Variants in FBXL7 observed in about 807,000 individuals in gnomAD.
The protein encoded by FBXL7 is F-box and leucine rich repeat protein 7.
FBXL7 carries 12 observed loss-of-function variants against 38.3 expected under a neutral mutation model. That is an observed-to-expected ratio of 0.31 (90% confidence interval 0.20 to 0.51). The LOEUF is 0.51. FBXL7 is among the 20% of genes least tolerant of loss of function. FBXL7 has a pLI of 0.98. For missense variants in FBXL7, 567 were observed against 676.4 expected, an observed-to-expected ratio of 0.84 and a Z score of 1.79; for synonymous variants, 297 against 300.9, an observed-to-expected ratio of 0.99 and a Z score of 0.13.
chr5:15,709,044 A>G (rs913602711), intron 2 of FBXL7, among the ~76,000 whole-genome samples: 16 of 152,162 alleles, frequency 1.1e-4, no homozygotes, highest in African/African-American at 3.9e-4. Flanking sequence ...AACACCGTTT[A>G]GTTCCTTTGC....
Position 15,904,008 on chromosome 5 carries a change from A to G in FBXL7, c.128-23882A>G, listed in dbSNP as rs532723602. Among the ~76,000 whole-genome samples the G allele has an allele frequency of 3.3e-4, 51 of 152,324 alleles. No homozygotes were observed. The South Asian group carries it at 0.01, about 31-fold the overall frequency. On this transcript the variant is annotated intron_variant, in intron 2 of 3. Coordinates refer to ENST00000504595, the MANE Select transcript of FBXL7 (RefSeq NM_012304.5). ...GGGATCTAAGTGTAAGGTTGACACC[A>G]TGAAATACAGCACTGTTAGTATACC...
chr5:15,642,513 A>G (rs943293573), intron 2 of FBXL7, among the ~76,000 whole-genome samples: 1 of 152,216 alleles, frequency 6.6e-6, no homozygotes, highest in Admixed American at 6.5e-5. Context: ...TTTGAAAAGT[A>G]AAAATTTATA....
chr5:15,849,900 T>A (rs910767276), intron 2 of FBXL7, among the ~76,000 whole-genome samples: 2 of 152,190 alleles, frequency 1.3e-5, no homozygotes, highest in African/African-American at 4.8e-5. Context: ...AATTCTCCCA[T>A]GAGTGAAGCA....
At chr5:15,837,193 GT>G (rs1233384701) in intron 2 of FBXL7, among the ~76,000 whole-genome samples, 3 of 152,172 alleles carry the variant, frequency 2.0e-5, no homozygotes, top group Non-Finnish European at 4.4e-5. Context: ...TAATTGAAAT[GT>G]AAATGATAGT....
At chr5:15,509,746 A>C (rs1431563254) in intron 1 of FBXL7, among the ~76,000 whole-genome samples, 1 of 152,218 alleles carries the variant, frequency 6.6e-6, no homozygotes, top group Non-Finnish European at 1.5e-5. Context: ...GGCTTGGTCC[A>C]TGGAAGGTGA....
At chr5:15,583,058 G>T (rs950270678) in intron 1 of FBXL7, among the ~76,000 whole-genome samples, 1 of 151,906 alleles carries the variant, frequency 6.6e-6, no homozygotes, top group African/African-American at 2.4e-5. Flanking sequence ...CAGTATGGCT[G>T]GAGAGGCCTC....
intron 2 of FBXL7, among the ~76,000 whole-genome samples, chr5:15,625,934 T>C (rs1740801450): frequency 6.6e-6 from 1 of 152,066 alleles, no homozygotes; most frequent in African/African-American, 2.4e-5. Context: ...AGAAATCTCT[T>C]AAAAAATAGT....
At chr5:15,735,035 G>T (rs146447373) in intron 2 of FBXL7, among the ~76,000 whole-genome samples, 1 of 152,134 alleles carries the variant, frequency 6.6e-6, no homozygotes, top group South Asian at 2.1e-4. Flanking sequence ...GGGTTCAAGC[G>T]ATTCTCCTGC....
At chr5:15,564,667 C>T (rs1738514165) in intron 1 of FBXL7, among the ~76,000 whole-genome samples, 7 of 152,000 alleles carry the variant, frequency 4.6e-5, no homozygotes, top group Admixed American at 4.6e-4. Context: ...TCAGTTTCTT[C>T]TTCTCTCCTT....
At chr5:15,617,858 G>A (rs530562130) in intron 2 of FBXL7, among the ~76,000 whole-genome samples, 13 of 152,258 alleles carry the variant, frequency 8.5e-5, no homozygotes, top group Admixed American at 3.9e-4. Context: ...GTTTTCTACC[G>A]TTGTTTTACA....
chr5:15,508,319 C>A (rs1209387086), intron 1 of FBXL7, among the ~76,000 whole-genome samples: 1 of 152,016 alleles, frequency 6.6e-6, no homozygotes, highest in Non-Finnish European at 1.5e-5. Context: ...TGGTAAAGTT[C>A]AAAAAATCAT....
chr5:15,702,405 A>G (rs1321171252), intron 2 of FBXL7, among the ~76,000 whole-genome samples: 1 of 152,200 alleles, frequency 6.6e-6, no homozygotes, highest in Non-Finnish European at 1.5e-5. Context: ...TTGAAAGACA[A>G]CAAAGTTCTC....
intron 1 of FBXL7, among the ~76,000 whole-genome samples, chr5:15,594,460 G>A (rs188375898): frequency 9.3e-4 from 142 of 152,308 alleles, no homozygotes; most frequent in Non-Finnish European, 1.6e-3. Context: ...GTGAATGATG[G>A]GAGTACCCAT....
chr5:15,766,038 GTCTA>G (rs1012872438), intron 2 of FBXL7, among the ~76,000 whole-genome samples: 5 of 126,142 alleles, frequency 4.0e-5, no homozygotes, highest in Non-Finnish European at 7.0e-5. Flanking sequence ...CTGTCTGTCT[GTCTA>G]TCTACCTACC....
intron 2 of FBXL7, among the ~76,000 whole-genome samples, chr5:15,733,748 A>G (rs1222931559): frequency 3.3e-5 from 5 of 152,238 alleles, no homozygotes; most frequent in Admixed American, 3.3e-4. Flanking sequence ...TTTGTGATAA[A>G]TTGCAGGTTA....
chr5:15,531,111 G>T (rs1209535425), intron 1 of FBXL7, among the ~76,000 whole-genome samples: 1 of 152,132 alleles, frequency 6.6e-6, no homozygotes, highest in African/African-American at 2.4e-5. Context: ...ATCCAGACAT[G>T]CGCTACTAGC....
chr5:15,668,431 G>A (rs1172569775), intron 2 of FBXL7, among the ~76,000 whole-genome samples: 1 of 150,782 alleles, frequency 6.6e-6, no homozygotes, highest in African/African-American at 2.4e-5. Flanking sequence ...TTGTTTTCCT[G>A]GAATAAAGAA....
At chr5:15,612,128 C>CA (rs1561051229) in intron 1 of FBXL7, among the ~76,000 whole-genome samples, 1 of 151,994 alleles carries the variant, frequency 6.6e-6, no homozygotes, top group African/African-American at 2.4e-5. Context: ...TCCACCCCCC[C>CA]AAGAAACAAT....
intron 1 of FBXL7, among the ~76,000 whole-genome samples, chr5:15,515,692 G>C (rs949269648): frequency 6.6e-6 from 1 of 152,176 alleles, no homozygotes; most frequent in African/African-American, 2.4e-5. Context: ...GTTATTAAGA[G>C]TATTGGGGAA....
Sources: allele counts gnomAD v4.1 joint callset (sites outside exome capture counted in the v4.1 genomes callset), GRCh38; gene constraint gnomAD v4.1.1; transcripts MANE v1.5; gene names NCBI Gene and HGNC (gene_info 2026-07-23, HGNC 2026-07-21).